ASF1B: variants seen among roughly 807,000 people sequenced by gnomAD.
ASF1B encodes histone chaperone ASF1B.
ASF1B carries 10 observed loss-of-function variants against 16.6 expected under a neutral mutation model. The ratio of observed to expected loss-of-function variants is 0.60; its 90% CI spans 0.37 to 1.02. The LOEUF (loss-of-function observed/expected upper bound fraction) is 1.02. ASF1B is among the 50% of genes least tolerant of loss of function. The pLI is 0.01. For missense variants in ASF1B, 240 were observed against 266.0 expected, an observed-to-expected ratio of 0.90 and a Z score of 0.68; for synonymous variants, 101 against 106.2, an observed-to-expected ratio of 0.95 and a Z score of 0.30.
intron 2 of ASF1B, among the ~76,000 whole-genome samples, chr19:14,124,158 T>C (rs904822014): frequency 6.6e-6 from 1 of 151,756 alleles, no homozygotes; most frequent in Admixed American, 6.6e-5. Flanking sequence ...CTATGCCTGG[T>C]TAATGTTTTT....
Position 14,127,881 on chromosome 19 carries a change from ATCCGCC to A in ASF1B, c.110-1650_110-1645del, listed in dbSNP as rs1385587999. 3.9e-5 allele frequency among the ~76,000 whole-genome samples: 6 copies of A among 152,186 alleles called. No homozygotes were observed. The East Asian group carries it at 9.7e-4, about 25-fold the overall frequency. ...TCGAACTCCTGACCTCAGGTCATCC[ATCCGCC>A]TCCGCCTCCCAAAGTGCTGGGATTA... On this transcript the variant is annotated intron_variant, in intron 1 of 3. Transcript: ENST00000263382.
intron 2 of ASF1B, 76 bp from the exon 3 acceptor site, chr19:14,121,784 A>G (rs936393792): frequency 1.5e-6 from 2 of 1,375,228 alleles, no homozygotes; most frequent in African/African-American, 1.5e-5. Flanking sequence ...ATTCCCAAGC[A>G]TCATGTATTT....
intron 1 of ASF1B, among the ~76,000 whole-genome samples, chr19:14,127,241 G>A (rs1395108344): frequency 6.6e-6 from 1 of 152,256 alleles, no homozygotes; most frequent in African/African-American, 2.4e-5. Context: ...GCTATGACAG[G>A]TGACCTTGAC....
chr19:14,128,423 T>C (rs998457959), intron 1 of ASF1B, among the ~76,000 whole-genome samples: 4 of 152,126 alleles, frequency 2.6e-5, no homozygotes, highest in Non-Finnish European at 5.9e-5. Flanking sequence ...CGGGTGACCA[T>C]TGAACTCACA....
In ASF1B at chr19:14,136,559, T is replaced by C. The variant is rs555154075; in HGVS notation, c.-103A>G. Reference sequence around the variant, plus strand: ...GTGGGGTAGGGCTGACCAGGTCCACTCCCGCCTCTTCTCTCCGAGAACTGA... The same window carrying C: ...GTGGGGTAGGGCTGACCAGGTCCACCCCCGCCTCTTCTCTCCGAGAACTGA... On this transcript the variant is annotated 5_prime_UTR_variant, in exon 1 of 4. Coordinates refer to ENST00000263382, the MANE Select transcript of ASF1B (RefSeq NM_018154.3). The C allele has an allele frequency of 5.4e-5, 45 of 839,584 alleles. No homozygotes were observed. The highest frequency in any genetic ancestry group is 7.8e-5 in the Non-Finnish European group (43 of 550,834). 52.0% of individuals were successfully genotyped at this position (839,584 alleles called of 1,614,324 possible). A position where few individuals can be genotyped will look rare whatever the true frequency, so the allele number is the denominator to read the frequency against.
chr19:14,121,884 C>T (rs1033903467), intron 2 of ASF1B, among the ~76,000 whole-genome samples, 176 bp from the exon 3 acceptor site: 3 of 151,360 alleles, frequency 2.0e-5, no homozygotes, highest in African/African-American at 7.3e-5. Flanking sequence ...GCATCCCAGG[C>T]AGCTGGGACT....
chr19:14,121,437 T>G (rs1200105006), intron 3 of ASF1B, 95 bp downstream of exon 3: 4 of 1,388,208 alleles, frequency 2.9e-6, no homozygotes, highest in Non-Finnish European at 4.0e-6. Flanking sequence ...TTGAAAACCT[T>G]AAGAAGTGAC....
At chr19:14,135,454 G>A (rs1967475114) in intron 1 of ASF1B, among the ~76,000 whole-genome samples, 1 of 152,118 alleles carries the variant, frequency 6.6e-6, no homozygotes, top group Admixed American at 6.6e-5. Context: ...CTTTCCCAGG[G>A]AGAGCTCAAG....
chr19:14,123,821 C>CA (rs1568543883), intron 2 of ASF1B, among the ~76,000 whole-genome samples: 1 of 146,498 alleles, frequency 6.8e-6, no homozygotes, highest in African/African-American at 2.5e-5. Flanking sequence ...GACAGGGTCT[C>CA]ACTCTGTTGC....
chr19:14,121,311 CAG>C, intron 3 of ASF1B: 1 of 394,344 alleles, frequency 2.5e-6, no homozygotes. Context: ...GGGTTAGGGA[CAG>C]GGTCTCACTA....
chr19:14,121,982 G>A (rs1029669665), intron 2 of ASF1B, among the ~76,000 whole-genome samples: 21 of 150,786 alleles, frequency 1.4e-4, no homozygotes, highest in Admixed American at 3.3e-4. Flanking sequence ...CCAGGCTGAA[G>A]TGCAATGGTG....
chr19:14,130,219 C>T (rs1305440630), intron 1 of ASF1B, among the ~76,000 whole-genome samples: 8 of 151,618 alleles, frequency 5.3e-5, no homozygotes, highest in African/African-American at 1.9e-4. Flanking sequence ...CCACCACGCC[C>T]GGCTAATTTT....
intron 1 of ASF1B, among the ~76,000 whole-genome samples, chr19:14,128,728 G>A (rs1967354563): frequency 1.3e-5 from 2 of 152,162 alleles, no homozygotes; most frequent in South Asian, 2.1e-4. Flanking sequence ...CCAAAGTGCT[G>A]GAATTTGTCT....
At chr19:14,133,233 TCCA>T (rs1967433522) in intron 1 of ASF1B, among the ~76,000 whole-genome samples, 1 of 152,212 alleles carries the variant, frequency 6.6e-6, no homozygotes, top group Non-Finnish European at 1.5e-5. Flanking sequence ...CTATCTATGC[TCCA>T]CCCCTGAAAC....
At chr19:14,130,787 G>GTATA (rs61351900) in intron 1 of ASF1B, among the ~76,000 whole-genome samples, 6,625 of 142,256 alleles carry the variant, frequency 0.047, 165 homozygotes, top group South Asian at 0.069. Context: ...GTGTTTGTGT[G>GTATA]TATATATATA....
intron 1 of ASF1B, among the ~76,000 whole-genome samples, chr19:14,127,426 C>T (rs1306812408): frequency 6.6e-6 from 1 of 152,202 alleles, no homozygotes; most frequent in Non-Finnish European, 1.5e-5. Context: ...CTTTCACACA[C>T]AGGGACCGGT....
intron 1 of ASF1B, among the ~76,000 whole-genome samples, chr19:14,134,860 C>T (rs964628129): frequency 2.0e-5 from 3 of 152,062 alleles, no homozygotes; most frequent in Middle Eastern, 3.4e-3. Flanking sequence ...AATCCACCCA[C>T]CCCCCAGACT....
intron 1 of ASF1B, among the ~76,000 whole-genome samples, chr19:14,131,427 CGCCTCG>C (rs1479828036): frequency 6.6e-6 from 1 of 150,926 alleles, no homozygotes; most frequent in Non-Finnish European, 1.5e-5. Context: ...GTGATCCATC[CGCCTCG>C]GCCTCCCAAA....
At chr19:14,133,191 T>C (rs958757326) in intron 1 of ASF1B, among the ~76,000 whole-genome samples, 1 of 152,118 alleles carries the variant, frequency 6.6e-6, no homozygotes, top group Non-Finnish European at 1.5e-5. Flanking sequence ...ATTTTGAGTG[T>C]CCTGATTAGG....
Sources: gnomAD v4.1 joint callset for allele counts (sites outside exome capture counted in the v4.1 genomes callset) on GRCh38, gnomAD v4.1.1 for gene constraint, MANE v1.5 for transcripts, NCBI Gene and HGNC (gene_info 2026-07-23, HGNC 2026-07-21) for gene names.